The following EPHB2 variants were observed in gnomAD, a reference collection of about 807,000 sequenced individuals.
The protein encoded by EPHB2 is EPH receptor B2.
In EPHB2, 18 loss-of-function variants were observed where a neutral mutation model predicts 96.4. The observed-to-expected ratio is 0.19, with a 90% CI of 0.13 to 0.28. The LOEUF (loss-of-function observed/expected upper bound fraction) is 0.28. Ranked by LOEUF, EPHB2 falls within the 10% of genes least tolerant of loss-of-function variation. The pLI is 1.00. For missense variants in EPHB2, 989 were observed against 1,355.4 expected, an observed-to-expected ratio of 0.73 and a Z score of 4.25; for synonymous variants, 506 against 534.1, an observed-to-expected ratio of 0.95 and a Z score of 0.72.
intron 1 of EPHB2, among the ~76,000 whole-genome samples, chr1:22,766,730 C>T (rs76235219): frequency 0.041 from 6,285 of 152,250 alleles, 231 homozygotes; most frequent in East Asian, 0.16. Flanking sequence ...TGCGAGCCAG[C>T]GTGGTGAGAT....
chr1:22,728,379 A>T (rs1643630407), intron 1 of EPHB2, among the ~76,000 whole-genome samples: 1 of 152,324 alleles, frequency 6.6e-6, no homozygotes, highest in Non-Finnish European at 1.5e-5. Flanking sequence ...TCCACTTTGC[A>T]GAGGAGGAAA....
At chr1:22,842,468 C>T (rs12404289) in intron 3 of EPHB2, among the ~76,000 whole-genome samples, 77,209 of 151,762 alleles carry the variant, frequency 0.51, 19,755 homozygotes, top group Middle Eastern at 0.59. Flanking sequence ...CATAGTCATC[C>T]GTGCCTGAAC....
chr1:22,863,299 C>A, intron 4 of EPHB2, 107 bp downstream of exon 4: 1 of 1,559,494 alleles, frequency 6.4e-7, no homozygotes, highest in Non-Finnish European at 8.7e-7. Flanking sequence ...CCAGTCTTTC[C>A]CTGGTGGGAA....
chr1:22,711,272 A>G (rs1643132296), intron 1 of EPHB2, among the ~76,000 whole-genome samples: 1 of 147,086 alleles, frequency 6.8e-6, no homozygotes, highest in Non-Finnish European at 1.5e-5. Flanking sequence ...CGAAGGGACC[A>G]TCTTGCCGAG....
At position 22,915,182 on chromosome 1, in the gene EPHB2, C is replaced by A. The variant is rs1038868443; in HGVS notation, c.*1612C>A. On this transcript the variant is annotated 3_prime_UTR_variant, in exon 16 of 16. Coordinates refer to ENST00000374630, the MANE Select transcript of EPHB2 (RefSeq NM_017449.5). ...CTCCCACCTCCTTCCCCCCACCAGA[C>A]CTTTGCTGGGCCTAAAGGTCTTGGC... The A allele has an allele frequency of 1.1e-4, 17 of 152,320 alleles. No homozygotes were observed. Among genetic ancestry groups the A allele is most frequent in the African/African-American group, 2.9e-4 (12 of 41,408 alleles). The allele number at this position is 152,320 out of a possible 1,614,324, so 9.4% of individuals were successfully genotyped here.
chr1:22,728,200 C>CT (rs1349511404), intron 1 of EPHB2, among the ~76,000 whole-genome samples: 1 of 152,104 alleles, frequency 6.6e-6, no homozygotes, highest in Non-Finnish European at 1.5e-5. Flanking sequence ...GCACCTAGGA[C>CT]TTAGCAGGTG....
At chr1:22,907,077 T>A in intron 11 of EPHB2, 120 bp downstream of exon 11, 2 of 1,362,552 alleles carry the variant, frequency 1.5e-6, no homozygotes, top group Non-Finnish European at 1.9e-6. Flanking sequence ...AGGAATGGCT[T>A]GCAGGCTGTC....
At chr1:22,830,749 G>T (rs1248451127) in intron 3 of EPHB2, among the ~76,000 whole-genome samples, 1 of 151,156 alleles carries the variant, frequency 6.6e-6, no homozygotes, top group Admixed American at 6.6e-5. Context: ...TAGAGATGGG[G>T]TTTCACCATC....
chr1:22,864,203 G>A (rs916153072), intron 4 of EPHB2, among the ~76,000 whole-genome samples: 12 of 152,114 alleles, frequency 7.9e-5, no homozygotes, highest in Non-Finnish European at 4.4e-5. Flanking sequence ...CCGCCATCAT[G>A]CCCGGCTAAT....
chr1:22,729,247 C>T (rs931489803), intron 1 of EPHB2, among the ~76,000 whole-genome samples: 1 of 152,222 alleles, frequency 6.6e-6, no homozygotes, highest in Non-Finnish European at 1.5e-5. Flanking sequence ...TGTGGACATT[C>T]TCACCTGGGC....
intron 3 of EPHB2, among the ~76,000 whole-genome samples, chr1:22,831,027 G>A (rs1483437258): frequency 6.6e-6 from 1 of 152,208 alleles, no homozygotes; most frequent in African/African-American, 2.4e-5. Flanking sequence ...AGGAAGAGGG[G>A]TAATGCTCCA....
intron 3 of EPHB2, among the ~76,000 whole-genome samples, chr1:22,837,045 G>C (rs1017266312): frequency 1.3e-5 from 2 of 152,216 alleles, no homozygotes; most frequent in African/African-American, 4.8e-5. Flanking sequence ...CCTACACGGC[G>C]GGGGAGGGGG....
At chr1:22,716,505 T>G (rs1643299553) in intron 1 of EPHB2, among the ~76,000 whole-genome samples, 1 of 152,136 alleles carries the variant, frequency 6.6e-6, no homozygotes, top group Admixed American at 6.5e-5. Flanking sequence ...CTAATTTTTT[T>G]GCATTTTTAG....
At chr1:22,840,127 G>A (rs1029151825) in intron 3 of EPHB2, among the ~76,000 whole-genome samples, 3 of 152,160 alleles carry the variant, frequency 2.0e-5, no homozygotes, top group Non-Finnish European at 4.4e-5. Context: ...ATGTCATGCA[G>A]CCTCTCTCTA....
chr1:22,771,568 C>T (rs995265600), intron 1 of EPHB2, among the ~76,000 whole-genome samples: 3 of 152,222 alleles, frequency 2.0e-5, no homozygotes, highest in African/African-American at 4.8e-5. Context: ...TATCTCAGCT[C>T]TGCCACGTCT....
At position 22,840,300 on chromosome 1, in the gene EPHB2, A is replaced by G. The variant is rs569931341; in HGVS notation, c.812-22737A>G. Among the ~76,000 whole-genome samples the G allele has an allele frequency of 2.1e-4, 32 of 152,332 alleles. No homozygotes were observed. In the South Asian group the frequency reaches 3.3e-3, roughly 16 times the overall value. Reference sequence around the variant, plus strand: ...ACGATGACTACTTAAGCACAAGTGTAAAGATACTCTTGATAGATAAGCTCC... The same window carrying G: ...ACGATGACTACTTAAGCACAAGTGTGAAGATACTCTTGATAGATAAGCTCC... On this transcript the variant is annotated intron_variant, in intron 3 of 15. Coordinates refer to ENST00000374630, the MANE Select transcript of EPHB2 (RefSeq NM_017449.5).
intron 3 of EPHB2, among the ~76,000 whole-genome samples, chr1:22,787,426 A>G (rs1258896461): frequency 6.6e-6 from 1 of 152,166 alleles, no homozygotes; most frequent in African/African-American, 2.4e-5. Context: ...TCAGATGAGA[A>G]GGTATATTCA....
At chr1:22,737,026 G>A (rs775893269) in intron 1 of EPHB2, among the ~76,000 whole-genome samples, 4 of 152,180 alleles carry the variant, frequency 2.6e-5, no homozygotes, top group African/African-American at 4.8e-5. Context: ...AGCCATCGGC[G>A]TGACGAGGAA....
intron 3 of EPHB2, among the ~76,000 whole-genome samples, chr1:22,801,617 C>G (rs775220114): frequency 2.0e-5 from 3 of 152,128 alleles, no homozygotes; most frequent in African/African-American, 7.2e-5. Flanking sequence ...AGACCCCACA[C>G]GAGGGGATGG....
Sources: gnomAD v4.1 joint callset for allele counts (sites outside exome capture counted in the v4.1 genomes callset) on GRCh38, gnomAD v4.1.1 for gene constraint, MANE v1.5 for transcripts, NCBI Gene and HGNC (gene_info 2026-07-23, HGNC 2026-07-21) for gene names.